Variants in PCDHGB5 observed in about 807,000 individuals in gnomAD.
PCDHGB5 encodes the protein protocadherin gamma subfamily B, 5.
In PCDHGB5, 48 loss-of-function variants were observed where a neutral mutation model predicts 62.9. The ratio of observed to expected loss-of-function variants is 0.76; its 90% CI spans 0.61 to 0.97. PCDHGB5 has a LOEUF of 0.97. Among genes scored for constraint, PCDHGB5 ranks in the 50% least tolerant of loss-of-function variants. PCDHGB5 has a pLI of 0.00. For missense variants in PCDHGB5, 1,118 were observed against 1,198.6 expected, an observed-to-expected ratio of 0.93 and a Z score of 0.99; for synonymous variants, 474 against 511.2, an observed-to-expected ratio of 0.93 and a Z score of 0.98.
At chr5:141,478,239 C>G in intron 1 of PCDHGB5, 1 of 1,614,132 alleles carries the variant, frequency 6.2e-7, no homozygotes. Flanking sequence ...TTTGTGGTCA[C>G]AGTGTTCGGA....
chr5:141,475,938 G>T (rs756781296), intron 1 of PCDHGB5: 22 of 682,776 alleles, frequency 3.2e-5, no homozygotes, highest in African/African-American at 7.2e-5. Flanking sequence ...GCCCCTGCCC[G>T]TCCCCTTTCT....
At chr5:141,426,858 T>C (rs898486771) in intron 1 of PCDHGB5, 1 of 456,574 alleles carries the variant, frequency 2.2e-6, no homozygotes, top group Non-Finnish European at 4.4e-6. Context: ...CGCTCCAGAA[T>C]TAGTGCTGGA....
chr5:141,487,123 T>C lies in PCDHGB5; in HGVS notation c.2398-7684T>C. 6.2e-7 allele frequency: 1 copy of C among 1,614,086 alleles called. No homozygotes were observed. The highest frequency in any genetic ancestry group is 1.1e-5 in the South Asian group (1 of 91,082). On this transcript the variant is annotated intron_variant, in intron 1 of 3. Coordinates refer to ENST00000617380, the MANE Select transcript of PCDHGB5 (RefSeq NM_018925.3). The surrounding 1 kb of genome is among the most constrained non-coding windows in gnomAD (Gnocchi z 5.0). ...AGCTGGTCATTGTGGTAAAGGATAG[T>C]GGTAGTCCACCACTCTCTACCTCTG...
intron 2 of PCDHGB5, among the ~76,000 whole-genome samples, chr5:141,497,977 G>A (rs1368982839): frequency 6.6e-6 from 1 of 152,216 alleles, no homozygotes; most frequent in Admixed American, 6.5e-5. Context: ...CTCGATGTGG[G>A]AGGCCCCTGC....
intron 1 of PCDHGB5, among the ~76,000 whole-genome samples, chr5:141,448,617 T>C (rs1318664360): frequency 2.0e-5 from 3 of 152,150 alleles, no homozygotes; most frequent in Non-Finnish European, 2.9e-5. Flanking sequence ...ACTTTATATC[T>C]TCCTTTCTTC....
intron 1 of PCDHGB5, among the ~76,000 whole-genome samples, chr5:141,454,222 T>C (rs1411974754): frequency 6.6e-6 from 1 of 152,118 alleles, no homozygotes; most frequent in African/African-American, 2.4e-5. Flanking sequence ...ATGAGAAAAG[T>C]AATTGTGATG....
intron 1 of PCDHGB5, chr5:141,411,324 C>T (rs1171274674): frequency 1.3e-5 from 2 of 152,166 alleles, no homozygotes; most frequent in Admixed American, 6.5e-5. Context: ...AATCACAGCA[C>T]TTTGATAGGC....
intron 1 of PCDHGB5, among the ~76,000 whole-genome samples, chr5:141,461,004 T>C (rs2099006736): frequency 6.6e-6 from 1 of 151,664 alleles, no homozygotes; most frequent in Non-Finnish European, 1.5e-5. Context: ...TATGTGTATA[T>C]ATATATACCA....
rs930695301 is a variant in PCDHGB5, at chr5:141,472,874, T to C, written c.2398-21933T>C. On this transcript the variant is annotated intron_variant, in intron 1 of 3. Coordinates refer to ENST00000617380, the MANE Select transcript of PCDHGB5 (RefSeq NM_018925.3). ...GGTGGCACATGCCTGTATTCCCAGC[T>C]ACTCGGGAGGCTGAGGCAGGAGAAT... Among the ~76,000 whole-genome samples, 5 of 150,448 alleles carry C rather than the reference T, an allele frequency of 3.3e-5. No homozygotes were observed. In the Admixed American group the frequency reaches 3.3e-4, roughly 10 times the overall value.
chr5:141,502,003 G>A (rs945565369), intron 2 of PCDHGB5, among the ~76,000 whole-genome samples: 17 of 151,966 alleles, frequency 1.1e-4, no homozygotes, highest in Admixed American at 1.1e-3. Flanking sequence ...CTGACAACCC[G>A]CATGCTCTCC....
chr5:141,398,683 C>A lies in PCDHGB5; in HGVS notation c.556C>A (p.Gln186Lys). 6.2e-7 allele frequency: 1 copy of A among 1,613,914 alleles called. No homozygotes were observed. Among genetic ancestry groups the A allele is most frequent in the Non-Finnish European group, 8.5e-7 (1 of 1,179,882 alleles). Residue 186 changes from glutamine (Q) to lysine (K), a missense_variant, in exon 1 of 4, where the codon CAG becomes AAG. Physicochemically the swap from Gln to Lys is moderately conservative, Grantham distance 53. This residue lies in a region of PCDHGB5 where 1,034 missense variants were observed against 1,029.1 expected (regional missense o/e 1.00). Transcript: ENST00000617380. ...PSFSLIIKEK[Q>K]DGSKYPELAL... ...TTTCTCATTAATAATTAAGGAGAAA[C>A]AGGATGGTAGTAAATACCCGGAACT... is the stretch of plus-strand genomic sequence containing the variant.
At chr5:141,479,937 C>G (rs1322238189) in intron 1 of PCDHGB5, among the ~76,000 whole-genome samples, 1 of 152,212 alleles carries the variant, frequency 6.6e-6, no homozygotes, top group African/African-American at 2.4e-5. Context: ...TCATTGCTAT[C>G]AACTCTTGGA....
intron 1 of PCDHGB5, chr5:141,478,331 G>C: frequency 6.2e-7 from 1 of 1,613,956 alleles, no homozygotes; most frequent in Non-Finnish European, 8.5e-7. Context: ...CCGAACACCA[G>C]GGCCCTCCTT....
In PCDHGB5 at chr5:141,487,406, C is replaced by T; in HGVS notation, c.2398-7401C>T. The T allele has an allele frequency of 6.2e-7, 1 of 1,614,200 alleles. No individual in the cohort carries two copies. The highest frequency in any genetic ancestry group is 8.5e-7 in the Non-Finnish European group (1 of 1,180,044). ...ATCTCGAAGGAGGGAGGGGCTTCCC[C>T]CTTCCAATGGGATCCTCCGAATCCA... On this transcript the variant is annotated intron_variant, in intron 1 of 3. Coordinates refer to ENST00000617380, the MANE Select transcript of PCDHGB5 (RefSeq NM_018925.3). The surrounding 1 kb of genome is among the most constrained non-coding windows in gnomAD (Gnocchi z 5.0).
chr5:141,436,040 C>T (rs989038133), intron 1 of PCDHGB5, among the ~76,000 whole-genome samples: 1 of 152,060 alleles, frequency 6.6e-6, no homozygotes, highest in African/African-American at 2.4e-5. Context: ...TTTGTATTTA[C>T]ATTAGTTTTC....
At chr5:141,413,381 G>T in intron 1 of PCDHGB5, 2 of 1,613,946 alleles carry the variant, frequency 1.2e-6, no homozygotes, top group Admixed American at 1.7e-5. Context: ...CGCGGAGTCC[G>T]CATAGTCTCC....
Position 141,490,254 on chromosome 5 carries a change from G to A in PCDHGB5, c.2398-4553G>A. The A allele has an allele frequency of 6.2e-7, 1 of 1,614,236 alleles. No homozygotes were observed. Among genetic ancestry groups the A allele is most frequent in the Non-Finnish European group, 8.5e-7 (1 of 1,180,038 alleles). ...TGGAGGGCCACTGTGTGATTCAAGT[G>A]GATGTGGGGGATGTCAATGACAATG... On this transcript the variant is annotated intron_variant, in intron 1 of 3. Coordinates refer to ENST00000617380, the MANE Select transcript of PCDHGB5 (RefSeq NM_018925.3). The surrounding 1 kb of genome is among the most constrained non-coding windows in gnomAD (Gnocchi z 5.4).
intron 1 of PCDHGB5, among the ~76,000 whole-genome samples, chr5:141,494,135 GTCAC>G (rs1365926534): frequency 3.3e-5 from 5 of 152,202 alleles, no homozygotes; most frequent in Admixed American, 6.5e-5. Flanking sequence ...CTTCTCCTTA[GTCAC>G]AGACCATTGT....
rs996153387 is a variant in PCDHGB5, at chr5:141,491,985, G to A, written c.2398-2822G>A. 24 of 743,298 alleles carry A rather than the reference G, an allele frequency of 3.2e-5. No homozygotes were observed. Among genetic ancestry groups the A allele is most frequent in the Non-Finnish European group, 4.5e-5 (22 of 494,254 alleles). 46.0% of individuals were successfully genotyped at this position (743,298 alleles called of 1,614,324 possible). On this transcript the variant is annotated intron_variant, in intron 1 of 3. Transcript: ENST00000617380. The surrounding 1 kb of genome is among the most constrained non-coding windows in gnomAD (Gnocchi z 6.9). ...AGGCCGGGGCCTCCTTCGAGCTTCC[G>A]GTGAATTTCGGGCGATTTCCGCGGG...
Sources: allele counts gnomAD v4.1 joint callset (sites outside exome capture counted in the v4.1 genomes callset), GRCh38; gene constraint gnomAD v4.1.1; regional missense constraint gnomAD v4.1.1; non-coding constraint Gnocchi (gnomAD v3.1); transcripts MANE v1.5; gene names NCBI Gene and HGNC (gene_info 2026-07-23, HGNC 2026-07-21).